LIPI: variants seen among roughly 807,000 people sequenced by gnomAD.
LIPI encodes lipase I, also known as lipase member I.
A neutral mutation model predicts 50.6 loss-of-function variants in LIPI; 59 were observed. The ratio of observed to expected loss-of-function variants is 1.16; its 90% CI spans 0.94 to 1.45. The LOEUF (loss-of-function observed/expected upper bound fraction) is 1.45, where lower values mean the gene tolerates loss of function less well. Among genes scored for constraint, LIPI ranks in the 40% most tolerant of loss-of-function variants. The probability of loss-of-function intolerance (pLI) is 0.00; values close to 1 mark genes in which losing one functional copy is unlikely to be tolerated. For synonymous variants in LIPI, 203 were observed against 178.2 expected, an observed-to-expected ratio of 1.14 and a Z score of -1.11; for missense variants, 586 against 536.3, an observed-to-expected ratio of 1.09 and a Z score of -0.92.
intron 9 of LIPI, among the ~76,000 whole-genome samples, chr21:14,113,013 G>T (rs1444576957): frequency 6.6e-6 from 1 of 152,128 alleles, no homozygotes; most frequent in African/African-American, 2.4e-5. Context: ...TCTAAGTAGT[G>T]GGAATCATTA....
In LIPI at chr21:14,152,656, A is replaced by C. The variant is rs368860219; in HGVS notation, c.1035T>G (p.Val345=). 6.5e-7 allele frequency: 1 copy of C among 1,529,192 alleles called. No homozygotes were observed. The highest frequency in any genetic ancestry group is 1.1e-5 in the South Asian group (1 of 88,770). 94.7% of individuals were successfully genotyped at this position (1,529,192 alleles called of 1,614,324 possible). A position where few individuals can be genotyped will look rare whatever the true frequency, so the allele number is the denominator to read the frequency against. Residue 345 remains valine, a synonymous_variant, in exon 8 of 10, where the codon GTT becomes GTG. Coordinates refer to ENST00000681601, the MANE Select transcript of LIPI (RefSeq NM_001302998.2). Reference sequence around the variant, plus strand: ...AGCCATCCATCATAGTTTTATCTGGAACAATTATACTGAGAACAAAATAAT... The same window carrying C: ...AGCCATCCATCATAGTTTTATCTGGCACAATTATACTGAGAACAAAATAAT... ...CTYYFVLSII[V]PDKTMMDGSF... is the part of the protein sequence containing the mutation.
At chr21:14,130,958 T>TGTTTC (rs1257673020) in intron 9 of LIPI, among the ~76,000 whole-genome samples, 2 of 152,162 alleles carry the variant, frequency 1.3e-5, no homozygotes, top group African/African-American at 4.8e-5. Flanking sequence ...GTTGTTGTTT[T>TGTTTC]GTTTCGTTTT....
intron 9 of LIPI, among the ~76,000 whole-genome samples, chr21:14,132,451 A>G (rs1203494394): frequency 6.6e-6 from 1 of 152,168 alleles, no homozygotes; most frequent in Non-Finnish European, 1.5e-5. Flanking sequence ...GTTTTGGCCA[A>G]AATATTTATA....
In LIPI at chr21:14,161,622, A is replaced by ATATATTAATGTATAATATATACATATATT. The variant is rs1568858276; in HGVS notation, c.1006+1796_1006+1797insAATATATGTATATATTATACATTAATATA. On this transcript the variant is annotated intron_variant, in intron 7 of 9. Coordinates refer to ENST00000681601, the MANE Select transcript of LIPI (RefSeq NM_001302998.2). ...ATATTAATATATAATATACATATAT[A>ATATATTAATGTATAATATATACATATATT]ATATATTAATATATAATATATACAT... 6.1e-4 allele frequency among the ~76,000 whole-genome samples: 58 copies of ATATATTAATGTATAATATATACATATATT among 95,536 alleles called. 1 individual carries two copies. Among genetic ancestry groups the ATATATTAATGTATAATATATACATATATT allele is most frequent in the East Asian group, 3.3e-3 (10 of 2,992 alleles). 62.7% of individuals were successfully genotyped at this position (95,536 alleles called of 152,430 possible). A position where few individuals can be genotyped will look rare whatever the true frequency, so the allele number is the denominator to read the frequency against.
intron 4 of LIPI, among the ~76,000 whole-genome samples, chr21:14,167,414 A>G (rs539918288): frequency 6.8e-4 from 103 of 152,326 alleles, no homozygotes; most frequent in Middle Eastern, 3.4e-3. Flanking sequence ...TGTCTCCTCA[A>G]GTGGGTCCCT....
chr21:14,181,640 T>C (rs1486079486), intron 4 of LIPI, 118 bp downstream of exon 4: 4 of 667,216 alleles, frequency 6.0e-6, no homozygotes, highest in Non-Finnish European at 1.1e-5. Context: ...ATTCTATAAT[T>C]ACAGATTTAA....
intron 4 of LIPI, among the ~76,000 whole-genome samples, chr21:14,170,923 T>C (rs1445162065): frequency 2.0e-5 from 3 of 151,720 alleles, no homozygotes; most frequent in African/African-American, 7.3e-5. Flanking sequence ...GAAAGTCAAA[T>C]TGTACCTGTT....
At chr21:14,167,226 G>C (rs868331567) in intron 4 of LIPI, among the ~76,000 whole-genome samples, 5 of 152,202 alleles carry the variant, frequency 3.3e-5, no homozygotes, top group African/African-American at 7.2e-5. Context: ...GAACTGGGTG[G>C]AGCCCACCAC....
intron 4 of LIPI, among the ~76,000 whole-genome samples, chr21:14,169,389 C>A (rs911159275): frequency 1.9e-4 from 29 of 152,268 alleles, no homozygotes; most frequent in African/African-American, 7.0e-4. Context: ...GAACTCTCCA[C>A]CCCAAATCAA....
chr21:14,154,313 T>C (rs2018201587), intron 7 of LIPI, among the ~76,000 whole-genome samples: 1 of 152,074 alleles, frequency 6.6e-6, no homozygotes, highest in Non-Finnish European at 1.5e-5. Context: ...AAACTTTCAA[T>C]ATAGAATTCT....
Position 14,129,700 on chromosome 21 carries a change from G to A in LIPI, c.1295+14923C>T, listed in dbSNP as rs890558076. 4.0e-5 allele frequency among the ~76,000 whole-genome samples: 6 copies of A among 150,596 alleles called. No individual in the cohort carries two copies. The East Asian group carries it at 7.7e-4, about 19-fold the overall frequency. The stretch of plus-strand genomic sequence containing the variant: ...GAAAAAAATAACAATTTTAAAAGTC[G>A]ATTGTGAATTAAAATATTCCTTAAT... On this transcript the variant is annotated intron_variant, in intron 9 of 9. Coordinates refer to ENST00000681601, the MANE Select transcript of LIPI (RefSeq NM_001302998.2).
chr21:14,168,553 C>T (rs527572360), intron 4 of LIPI, among the ~76,000 whole-genome samples: 112 of 152,204 alleles, frequency 7.4e-4, no homozygotes, highest in African/African-American at 2.4e-3. Context: ...GAGTGGGGGC[C>T]GATATTCAAC....
intron 2 of LIPI, among the ~76,000 whole-genome samples, chr21:14,186,838 T>C (rs2019473339): frequency 2.0e-5 from 3 of 152,168 alleles, no homozygotes; most frequent in African/African-American, 4.8e-5. Flanking sequence ...GAACCAGGAA[T>C]TGGGCCCTCA....
intron 6 of LIPI, among the ~76,000 whole-genome samples, chr21:14,164,861 C>CA (rs1347658883): frequency 2.0e-5 from 3 of 151,880 alleles, no homozygotes; most frequent in Non-Finnish European, 4.4e-5. Context: ...CTCAAAAAAA[C>CA]AAAAAAACCT....
intron 4 of LIPI, among the ~76,000 whole-genome samples, chr21:14,172,744 A>G (rs1332767994): frequency 2.0e-5 from 3 of 152,070 alleles, no homozygotes; most frequent in Non-Finnish European, 2.9e-5. Flanking sequence ...GAGGGATAGC[A>G]CTAGGAGATA....
intron 3 of LIPI, 127 bp from the exon 4 acceptor site, chr21:14,181,986 A>G (rs2019289118): frequency 8.9e-6 from 6 of 672,864 alleles, no homozygotes; most frequent in Non-Finnish European, 1.6e-5. Flanking sequence ...CTATCCAAGA[A>G]CATATCTAAA....
At chr21:14,192,517 C>A (rs1054050850) in intron 1 of LIPI, among the ~76,000 whole-genome samples, 1 of 151,928 alleles carries the variant, frequency 6.6e-6, no homozygotes, top group African/African-American at 2.4e-5. Flanking sequence ...AAATGACACA[C>A]AAAAAAGTTA....
chr21:14,197,310 T>C lies in LIPI; in HGVS notation c.47-7891A>G, dbSNP rs185355038. Among the ~76,000 whole-genome samples, 83 of 152,244 alleles carry C rather than the reference T, an allele frequency of 5.5e-4. 4 individuals are homozygous for C. The highest frequency in any genetic ancestry group is 1.5e-5 in the Non-Finnish European group (1 of 68,018). On this transcript the variant is annotated intron_variant, in intron 1 of 9. Coordinates refer to ENST00000681601, the MANE Select transcript of LIPI (RefSeq NM_001302998.2). ...AAGTATAAAAAGTGCTATCATACTA[T>C]GTATTATTTTTTAATATTCTAACTT...
intron 8 of LIPI, among the ~76,000 whole-genome samples, chr21:14,145,674 A>G (rs1280718890): frequency 6.6e-6 from 1 of 152,122 alleles, no homozygotes; most frequent in Non-Finnish European, 1.5e-5. Flanking sequence ...AGGAGGAGAA[A>G]GGGAAGGGAC....
Sources: allele counts gnomAD v4.1 joint callset (sites outside exome capture counted in the v4.1 genomes callset), GRCh38; gene constraint gnomAD v4.1.1; transcripts MANE v1.5; gene names NCBI Gene and HGNC (gene_info 2026-07-23, HGNC 2026-07-21).